FLRT2: variants seen among roughly 807,000 people sequenced by gnomAD.
FLRT2 encodes leucine-rich repeat transmembrane protein FLRT2.
A neutral mutation model predicts 40.0 loss-of-function variants in FLRT2; 15 were observed. The observed-to-expected ratio is 0.38, with a 90% confidence interval of 0.25 to 0.58. FLRT2 has a LOEUF of 0.58. FLRT2 is among the 20% of genes least tolerant of loss of function. The pLI is 0.71. For missense variants in FLRT2, 726 were observed against 840.0 expected (o/e 0.86, Z 1.68); for synonymous variants, 380 against 336.8 (o/e 1.13, Z -1.41).
At chr14:85,565,812 C>T (rs532246803) in intron 1 of FLRT2, among the ~76,000 whole-genome samples, 2 of 152,218 alleles carry the variant, frequency 1.3e-5, no homozygotes, top group South Asian at 4.1e-4. Flanking sequence ...CAATTGAATC[C>T]ATGGGGCCTT....
In FLRT2 at chr14:85,621,459, T is replaced by G. The variant is rs1250905592; in HGVS notation, c.-56T>G. On this transcript the variant is annotated 5_prime_UTR_variant, in exon 2 of 2. It adds an upstream start codon to the 5' untranslated region. Coordinates refer to ENST00000330753, the MANE Select transcript of FLRT2 (RefSeq NM_013231.6). ...CAGTCATTTTGATTTTGCTGTTTATTTTTTTTTTCTTTTTCTTTTTCCCAC... is the reference window on the plus strand; with the variant it reads ...CAGTCATTTTGATTTTGCTGTTTATGTTTTTTTTCTTTTTCTTTTTCCCAC... 1 of 1,494,476 alleles carries G rather than the reference T, an allele frequency of 6.7e-7. No individual in the cohort carries two copies. Among genetic ancestry groups the G allele is most frequent in the African/African-American group, 1.4e-5 (1 of 70,684 alleles). The allele number at this position is 1,494,476 out of a possible 1,614,324, so 92.6% of individuals were successfully genotyped here.
chr14:85,580,829 C>T (rs185879379), intron 1 of FLRT2, among the ~76,000 whole-genome samples: 3 of 152,040 alleles, frequency 2.0e-5, no homozygotes, highest in Admixed American at 6.6e-5. Flanking sequence ...ACTTATATAT[C>T]AAGGAGTAAA....
At chr14:85,615,702 C>T (rs1893095149) in intron 1 of FLRT2, among the ~76,000 whole-genome samples, 1 of 47,442 alleles carries the variant, frequency 2.1e-5, no homozygotes, top group East Asian at 2.7e-4. Flanking sequence ...TAGGACTCTC[C>T]TGATTATTGT....
At chr14:85,560,439 G>A (rs1052580544) in intron 1 of FLRT2, among the ~76,000 whole-genome samples, 4 of 152,058 alleles carry the variant, frequency 2.6e-5, no homozygotes, top group South Asian at 2.1e-4. Context: ...TCAGGGCATG[G>A]TGGCACGTGG....
At chr14:85,608,704 C>T (rs1399139644) in intron 1 of FLRT2, among the ~76,000 whole-genome samples, 1 of 152,152 alleles carries the variant, frequency 6.6e-6, no homozygotes, top group Non-Finnish European at 1.5e-5. Context: ...TAACAGATGA[C>T]ATTCTTCAGC....
intron 1 of FLRT2, among the ~76,000 whole-genome samples, chr14:85,535,920 TTGTTGTTGTTGTTG>T (rs1393477648): frequency 1.7e-5 from 1 of 59,848 alleles, no homozygotes; most frequent in Non-Finnish European, 2.8e-5. Flanking sequence ...TTTTTTTTTT[TTGTTGTTGTTGTTG>T]TTGTTGTTGT....
rs752778670 is a variant in FLRT2, at chr14:85,650,138, T to G, written c.*26641T>G. The G allele has an allele frequency of 6.6e-6, 1 of 152,056 alleles. No homozygotes were observed. Among genetic ancestry groups the G allele is most frequent in the Non-Finnish European group, 1.5e-5 (1 of 67,948 alleles). 9.4% of individuals were successfully genotyped at this position (152,056 alleles called of 1,614,324 possible). A position where few individuals can be genotyped will look rare whatever the true frequency, so the allele number is the denominator to read the frequency against. On this transcript the variant is annotated 3_prime_UTR_variant, in exon 2 of 2. Coordinates refer to ENST00000330753, the MANE Select transcript of FLRT2 (RefSeq NM_013231.6). Reference sequence around the variant, plus strand: ...TTTGCTTTGTCAAATACTTACTACGTTCATATGTATTGATGTACAGTATAG... The same window carrying G: ...TTTGCTTTGTCAAATACTTACTACGGTCATATGTATTGATGTACAGTATAG...
chr14:85,590,948 A>T (rs1313007482), intron 1 of FLRT2, among the ~76,000 whole-genome samples: 1 of 152,106 alleles, frequency 6.6e-6, no homozygotes, highest in Non-Finnish European at 1.5e-5. Context: ...ATGTTCACTG[A>T]GTCAGACTTC....
Position 85,652,558 on chromosome 14 carries a change from T to C in FLRT2, c.*29061T>C, listed in dbSNP as rs980691728. ...TCTTTATTTTTAGACTAAAAGCCTTTGAATAAAATATTATACAACTTTAAA... is the reference window on the plus strand; with the variant it reads ...TCTTTATTTTTAGACTAAAAGCCTTCGAATAAAATATTATACAACTTTAAA... On this transcript the variant is annotated 3_prime_UTR_variant, in exon 2 of 2. Transcript: ENST00000330753. The C allele has an allele frequency of 2.0e-5, 3 of 152,174 alleles. No individual in the cohort carries two copies. The highest frequency in any genetic ancestry group is 4.4e-5 in the Non-Finnish European group (3 of 68,006). 9.4% of individuals were successfully genotyped at this position (152,174 alleles called of 1,614,324 possible). A position where few individuals can be genotyped will look rare whatever the true frequency, so the allele number is the denominator to read the frequency against.
intron 1 of FLRT2, among the ~76,000 whole-genome samples, chr14:85,585,814 A>G (rs939249373): frequency 2.6e-5 from 4 of 152,182 alleles, no homozygotes; most frequent in African/African-American, 9.6e-5. Context: ...AGGTCTGTCT[A>G]GGTGAAGAGC....
intron 1 of FLRT2, among the ~76,000 whole-genome samples, chr14:85,608,239 T>G (rs569373205): frequency 1.1e-4 from 16 of 152,082 alleles, no homozygotes; most frequent in South Asian, 2.1e-4. Context: ...TTTTTTTTTT[T>G]TCTTTTTTGA....
intron 1 of FLRT2, among the ~76,000 whole-genome samples, chr14:85,557,225 G>A (rs1417903527): frequency 6.6e-6 from 1 of 150,724 alleles, no homozygotes; most frequent in African/African-American, 2.4e-5. Flanking sequence ...TAAGGTAGAA[G>A]CTTAAAAAAC....
At chr14:85,609,636 CAT>C (rs1361966804) in intron 1 of FLRT2, among the ~76,000 whole-genome samples, 5 of 152,162 alleles carry the variant, frequency 3.3e-5, no homozygotes, top group Non-Finnish European at 5.9e-5. Flanking sequence ...GTTCTAGAAA[CAT>C]ATGAGCATAT....
intron 1 of FLRT2, among the ~76,000 whole-genome samples, chr14:85,607,076 C>G (rs1046014318): frequency 1.3e-5 from 2 of 151,838 alleles, no homozygotes; most frequent in Non-Finnish European, 2.9e-5. Context: ...AATCTCTTTT[C>G]CACAAGAACC....
At chr14:85,589,388 C>T (rs78458106) in intron 1 of FLRT2, among the ~76,000 whole-genome samples, 3,245 of 152,240 alleles carry the variant, frequency 0.021, 59 homozygotes, top group South Asian at 0.08. Context: ...TTTTCATATG[C>T]CTGATTGCCA....
At chr14:85,604,836 T>A (rs1364862391) in intron 1 of FLRT2, among the ~76,000 whole-genome samples, 3 of 152,134 alleles carry the variant, frequency 2.0e-5, no homozygotes, top group African/African-American at 7.2e-5. Flanking sequence ...GCTGTGTGTG[T>A]TGGCAGAGGG....
intron 1 of FLRT2, among the ~76,000 whole-genome samples, chr14:85,573,987 C>T (rs1269946479): frequency 6.6e-6 from 1 of 152,174 alleles, no homozygotes; most frequent in Non-Finnish European, 1.5e-5. Flanking sequence ...CATCAAGGCT[C>T]ACCTGGGAGC....
intron 1 of FLRT2, among the ~76,000 whole-genome samples, chr14:85,532,095 C>T (rs549210815): frequency 1.3e-5 from 2 of 152,360 alleles, no homozygotes; most frequent in African/African-American, 4.8e-5. Flanking sequence ...GAACTGAGGA[C>T]GAGTAGTGCG....
chr14:85,613,564 A>G lies in FLRT2; in HGVS notation c.-376-7575A>G, dbSNP rs535045402. On this transcript the variant is annotated intron_variant, in intron 1 of 1. Transcript: ENST00000330753. The stretch of plus-strand genomic sequence containing the variant: ...TCACTGATTCCTTATGGGACCTCAG[A>G]TTGAAGATGTCAAAGAGTTTTTGCA... Among the ~76,000 whole-genome samples the G allele has an allele frequency of 2.2e-4, 33 of 152,340 alleles. 1 individual carries two copies. The highest frequency in any genetic ancestry group is 7.5e-4 in the African/African-American group (31 of 41,580).
Sources: gnomAD v4.1 joint callset for allele counts (sites outside exome capture counted in the v4.1 genomes callset) on GRCh38, gnomAD v4.1.1 for gene constraint, MANE v1.5 for transcripts, NCBI Gene and HGNC (gene_info 2026-07-23, HGNC 2026-07-21) for gene names.